The following DYNC1LI1 variants were observed in gnomAD, a reference collection of about 807,000 sequenced individuals.
DYNC1LI1 encodes the protein cytoplasmic dynein 1 light intermediate chain 1.
DYNC1LI1 carries 19 observed loss-of-function variants against 63.8 expected under a neutral mutation model. That is an observed-to-expected ratio of 0.30 (90% CI 0.21 to 0.44). DYNC1LI1 has a LOEUF of 0.44. Among genes scored for constraint, DYNC1LI1 ranks in the 20% least tolerant of loss-of-function variants. The pLI is 1.00. For missense variants in DYNC1LI1, 565 were observed against 630.2 expected (o/e 0.90, Z 1.11); for synonymous variants, 225 against 232.3 (o/e 0.97, Z 0.28).
rs908210561 is a variant in DYNC1LI1, at chr3:32,570,810, T to C, written c.-40A>G. The C allele has an allele frequency of 2.6e-6, 4 of 1,559,842 alleles. No homozygotes were observed. The highest frequency in any genetic ancestry group is 1.8e-5 in the Admixed American group (1 of 55,904). ...ACACCACTCCCGGCAAGACTAAATG[T>C]GCGAGGCGGCTGAGGCGGTGGCGGT... is the stretch of plus-strand genomic sequence containing the variant. On this transcript the variant is annotated 5_prime_UTR_variant, in exon 1 of 13. Coordinates refer to ENST00000273130, the MANE Select transcript of DYNC1LI1 (RefSeq NM_016141.4).
At position 32,541,154 on chromosome 3, in the gene DYNC1LI1, A is replaced by T. The variant is rs370442147; in HGVS notation, c.621T>A (p.Ser207=). 481 of 1,612,922 alleles carry T rather than the reference A, an allele frequency of 3.0e-4. 1 individual carries two copies. The highest frequency in any genetic ancestry group is 1.5e-3 in the Middle Eastern group (9 of 6,054). Residue 207 remains serine (S), a synonymous_variant, in exon 5 of 13, where the codon TCT becomes TCA. Coordinates refer to ENST00000273130, the MANE Select transcript of DYNC1LI1 (RefSeq NM_016141.4). ...GTGACGCAGTATTTCTTCTCTGGGG[A>T]GAAGCCGGGAAGTCTTCTCCTGGCT... ...YVEPGEDFPA[S]PQRRNTASQE...
chr3:32,540,362 T>G (rs1387171730), intron 5 of DYNC1LI1, among the ~76,000 whole-genome samples: 7 of 152,008 alleles, frequency 4.6e-5, no homozygotes, highest in Non-Finnish European at 1.5e-5. Flanking sequence ...TATATAATCC[T>G]CTGATATTAG....
intron 8 of DYNC1LI1, chr3:32,531,717 TTTATA>T (rs755281124): frequency 1.1e-4 from 17 of 152,300 alleles, no homozygotes; most frequent in South Asian, 4.1e-4. Context: ...AGATGGATGC[TTTATA>T]TTATGAGTGT....
Position 32,549,979 on chromosome 3 carries a change from T to C in DYNC1LI1, c.221-4014A>G, listed in dbSNP as rs148269008. ...CATAAGCAAAAGAATAGAAATCATA[T>C]TATCTAGAAATAATCATTGATAATT... On this transcript the variant is annotated intron_variant, in intron 2 of 12. Coordinates refer to ENST00000273130, the MANE Select transcript of DYNC1LI1 (RefSeq NM_016141.4). Among the ~76,000 whole-genome samples the C allele has an allele frequency of 7.9e-5, 12 of 152,352 alleles. No homozygotes were observed. The East Asian group carries it at 2.3e-3, about 29-fold the overall frequency.
At chr3:32,528,136 A>G (rs1052532802) in intron 12 of DYNC1LI1, among the ~76,000 whole-genome samples, 5 of 148,476 alleles carry the variant, frequency 3.4e-5, no homozygotes, top group Non-Finnish European at 7.4e-5. Flanking sequence ...AAAAAAAAAA[A>G]AAAAAAAAGA....
At chr3:32,538,092 A>G (rs1697824196) in intron 5 of DYNC1LI1, among the ~76,000 whole-genome samples, 1 of 92,728 alleles carries the variant, frequency 1.1e-5, no homozygotes, top group South Asian at 2.8e-4. Context: ...AAATTTATAT[A>G]TATATATAAA....
At chr3:32,555,183 T>C (rs534116959) in intron 2 of DYNC1LI1, among the ~76,000 whole-genome samples, 94 of 152,296 alleles carry the variant, frequency 6.2e-4, no homozygotes, top group African/African-American at 2.1e-3. Context: ...TAATTGAAAA[T>C]TGAACATTCA....
Position 32,526,850 on chromosome 3 carries a change from A to G in DYNC1LI1, c.1521T>C (p.Val507=). 6.2e-7 allele frequency: 1 copy of G among 1,614,110 alleles called. No individual in the cohort carries two copies. Among genetic ancestry groups the G allele is most frequent in the South Asian group, 1.1e-5 (1 of 91,088 alleles). ...ATGTAGGTGTTGTGGGAGAAACTGT[A>G]ACTGGTTTTCGTGTAATTCTGTCTA... ...AELDRITRKP[V]TVSPTTPTSP... Residue 507 remains valine, a synonymous_variant, in exon 13 of 13, where the codon GTT becomes GTC. Coordinates refer to ENST00000273130, the MANE Select transcript of DYNC1LI1 (RefSeq NM_016141.4).
At chr3:32,535,742 T>G (rs931138798) in intron 6 of DYNC1LI1, among the ~76,000 whole-genome samples, 1 of 149,180 alleles carries the variant, frequency 6.7e-6, no homozygotes, top group Non-Finnish European at 1.5e-5. Flanking sequence ...TTTTGAACTG[T>G]CACTGTCACT....
chr3:32,538,193 T>C (rs1575150969), intron 5 of DYNC1LI1, among the ~76,000 whole-genome samples: 2 of 127,278 alleles, frequency 1.6e-5, no homozygotes, highest in African/African-American at 3.0e-5. Flanking sequence ...AGCCTAGGAG[T>C]TCAAGACTAC....
intron 4 of DYNC1LI1, 113 bp from the exon 5 acceptor site, chr3:32,541,319 G>A: frequency 7.3e-6 from 5 of 680,566 alleles, no homozygotes; most frequent in South Asian, 2.2e-5. Flanking sequence ...TTGTGTAAGA[G>A]AAGAAACAAA....
In DYNC1LI1 at chr3:32,528,613, TAAAA is replaced by T. The variant is rs780809616; in HGVS notation, c.1307-16_1307-13del. Reference sequence around the variant, plus strand: ...ACTTGTAGCTCCAGCTATAAAAAAATAAAAAAACAAAAAGCTTTAGCCAAAACAT... The same window carrying T: ...ACTTGTAGCTCCAGCTATAAAAAAATAAACAAAAAGCTTTAGCCAAAACAT... On this transcript the variant is annotated splice_polypyrimidine_tract_variant and intron_variant, in intron 11 of 12. Coordinates refer to ENST00000273130, the MANE Select transcript of DYNC1LI1 (RefSeq NM_016141.4). The T allele has an allele frequency of 5.7e-6, 9 of 1,583,448 alleles. No individual in the cohort carries two copies. The highest frequency in any genetic ancestry group is 1.2e-5 in the South Asian group (1 of 85,460).
chr3:32,548,984 A>G (rs536646132), intron 2 of DYNC1LI1, among the ~76,000 whole-genome samples: 13 of 152,308 alleles, frequency 8.5e-5, no homozygotes, highest in Admixed American at 5.2e-4. Flanking sequence ...AATATCTATG[A>G]TGACAATGAT....
intron 2 of DYNC1LI1, among the ~76,000 whole-genome samples, chr3:32,558,360 T>C (rs1698143270): frequency 1.3e-5 from 2 of 148,848 alleles, no homozygotes; most frequent in African/African-American, 5.0e-5. Context: ...CATGGGTCTC[T>C]GTCACACATT....
chr3:32,527,213 C>T (rs1697632102), intron 12 of DYNC1LI1, among the ~76,000 whole-genome samples: 1 of 152,178 alleles, frequency 6.6e-6, no homozygotes, highest in Non-Finnish European at 1.5e-5. Context: ...AGGAGAACTG[C>T]TTGAACCCGG....
At chr3:32,539,015 T>TA (rs1697841109) in intron 5 of DYNC1LI1, among the ~76,000 whole-genome samples, 1 of 152,196 alleles carries the variant, frequency 6.6e-6, no homozygotes, top group Non-Finnish European at 1.5e-5. Flanking sequence ...CCTTTAAGCT[T>TA]AACATTTTTC....
chr3:32,544,536 G>A (rs571702904), intron 4 of DYNC1LI1, among the ~76,000 whole-genome samples: 11 of 152,156 alleles, frequency 7.2e-5, no homozygotes, highest in African/African-American at 9.7e-5. Context: ...CTGGGAGGCC[G>A]AGTGGGGTGG....
At chr3:32,558,403 TAAAAAA>T (rs533076265) in intron 2 of DYNC1LI1, among the ~76,000 whole-genome samples, 1 of 90,390 alleles carries the variant, frequency 1.1e-5, no homozygotes, top group Non-Finnish European at 2.1e-5. Flanking sequence ...TTTAAAAATG[TAAAAAA>T]AAAAAAAAAA....
At position 32,530,514 on chromosome 3, in the gene DYNC1LI1, G is replaced by A. The variant is rs762316181; in HGVS notation, c.1087C>T (p.His363Tyr). ...ITKPPVRKFV[H>Y]EKEIMAEDDQ... Reference sequence around the variant, plus strand: ...TCTTCTGCCATAATTTCCTTCTCATGTACAAACTGAAATGAGCAATGCACA... The same window carrying A: ...TCTTCTGCCATAATTTCCTTCTCATATACAAACTGAAATGAGCAATGCACA... The change falls in exon 9 of 13, where the codon CAT becomes TAT. Residue 363 changes from histidine to tyrosine, a missense_variant. Coordinates refer to ENST00000273130, the MANE Select transcript of DYNC1LI1 (RefSeq NM_016141.4). 8 of 1,612,372 alleles carry A rather than the reference G, an allele frequency of 5.0e-6. No homozygotes were observed. Among genetic ancestry groups the A allele is most frequent in the Non-Finnish European group, 5.9e-6 (7 of 1,179,430 alleles).
Sources: allele counts gnomAD v4.1 joint callset (sites outside exome capture counted in the v4.1 genomes callset), GRCh38; gene constraint gnomAD v4.1.1; transcripts MANE v1.5; gene names NCBI Gene and HGNC (gene_info 2026-07-23, HGNC 2026-07-21).